The following ENOX1 variants were observed in gnomAD, a reference collection of about 807,000 sequenced individuals.
The protein encoded by ENOX1 is ecto-NOX disulfide-thiol exchanger 1.
ENOX1 carries 42 observed loss-of-function variants against 82.5 expected under a neutral mutation model. The ratio of observed to expected loss-of-function variants is 0.51; its 90% CI spans 0.40 to 0.66. The LOEUF (loss-of-function observed/expected upper bound fraction) is 0.66. Ranked by LOEUF, ENOX1 falls within the 30% of genes least tolerant of loss-of-function variation. The probability of loss-of-function intolerance (pLI) is 0.00; values close to 1 mark genes in which losing one functional copy is unlikely to be tolerated. For missense variants in ENOX1, 608 were observed against 811.6 expected, an observed-to-expected ratio of 0.75 and a Z score of 3.05; for synonymous variants, 271 against 282.2, an observed-to-expected ratio of 0.96 and a Z score of 0.40.
intron 2 of ENOX1, among the ~76,000 whole-genome samples, chr13:43,551,745 T>C (rs949826316): frequency 6.6e-6 from 1 of 152,152 alleles, no homozygotes; most frequent in African/African-American, 2.4e-5. Flanking sequence ...TCCTTACACC[T>C]TTCCTCTTCT....
chr13:43,635,433 C>A (rs1392007519), intron 2 of ENOX1, among the ~76,000 whole-genome samples: 1 of 152,176 alleles, frequency 6.6e-6, no homozygotes, highest in Admixed American at 6.5e-5. Flanking sequence ...AATTACTCAG[C>A]ACCCGGTGCT....
chr13:43,429,827 T>C (rs143502545), intron 3 of ENOX1, among the ~76,000 whole-genome samples: 1 of 152,350 alleles, frequency 6.6e-6, no homozygotes, highest in Non-Finnish European at 1.5e-5. Context: ...CTTGCTAAGC[T>C]AAATTGCAAA....
chr13:43,783,852 C>CA (rs796626271), intron 1 of ENOX1, among the ~76,000 whole-genome samples: 191 of 150,300 alleles, frequency 1.3e-3, no homozygotes, highest in African/African-American at 4.0e-3. Context: ...AAAAAACATC[C>CA]AAAAAAAAAG....
intron 3 of ENOX1, among the ~76,000 whole-genome samples, chr13:43,456,684 A>C (rs2057246674): frequency 6.6e-6 from 1 of 152,134 alleles, no homozygotes; most frequent in Non-Finnish European, 1.5e-5. Context: ...CCAATCCCTG[A>C]GTCTAGAGTA....
chr13:43,326,430 T>G lies in ENOX1; in HGVS notation c.1132A>C (p.Lys378Gln), dbSNP rs778147309. Residue 378 changes from lysine (K) to glutamine (Q), a missense_variant, in exon 10 of 17, where the codon AAG (lysine) becomes CAG (glutamine). By Grantham distance (53) the Lys-to-Gln change is moderately conservative. Transcript: ENST00000690772. Reference protein sequence around the residue: ...AQRKNIDIWRKHSEELRNAQS... With the variant: ...AQRKNIDIWRQHSEELRNAQS... ...ATAAAATCACCAACCTCAGAATGCT[T>G]TCGCCAAATGTCTATGTTCTTGCGC... 1 of 1,614,044 alleles carries G rather than the reference T, an allele frequency of 6.2e-7. No individual in the cohort carries two copies. Among genetic ancestry groups the G allele is most frequent in the Non-Finnish European group, 8.5e-7 (1 of 1,179,896 alleles).
At chr13:43,247,597 C>T (rs937449762) in intron 14 of ENOX1, among the ~76,000 whole-genome samples, 19 of 151,250 alleles carry the variant, frequency 1.3e-4, no homozygotes, top group African/African-American at 4.6e-4. Flanking sequence ...TTTTTGAGAT[C>T]AAGTGTATTT....
intron 3 of ENOX1, among the ~76,000 whole-genome samples, chr13:43,447,045 A>C (rs2056687626): frequency 6.6e-6 from 1 of 152,250 alleles, no homozygotes; most frequent in Admixed American, 6.5e-5. Flanking sequence ...GATTAATACC[A>C]AAGAAAGAAA....
chr13:43,271,700 C>G (rs548469162), intron 12 of ENOX1, among the ~76,000 whole-genome samples: 1 of 151,852 alleles, frequency 6.6e-6, no homozygotes, highest in African/African-American at 2.4e-5. Context: ...CATGTGTGTG[C>G]ATATACACCC....
chr13:43,298,301 A>G (rs779580148), intron 12 of ENOX1, 45 bp downstream of exon 12: 7 of 1,515,258 alleles, frequency 4.6e-6, no homozygotes, highest in South Asian at 1.3e-5. Context: ...TTTAATACAC[A>G]TATCTCTTTC....
At chr13:43,321,096 G>A (rs757466913) in intron 11 of ENOX1, 3 of 456,284 alleles carry the variant, frequency 6.6e-6, no homozygotes, top group Non-Finnish European at 1.3e-5. Flanking sequence ...TGTATGTTAA[G>A]CACCTGAAAG....
chr13:43,718,595 T>C (rs2088316172), intron 1 of ENOX1, among the ~76,000 whole-genome samples: 1 of 135,632 alleles, frequency 7.4e-6, no homozygotes. Flanking sequence ...GAGAATGTTG[T>C]GAACCCAGGA....
chr13:43,446,248 TC>T (rs1331421547), intron 3 of ENOX1, among the ~76,000 whole-genome samples: 1 of 151,928 alleles, frequency 6.6e-6, no homozygotes, highest in Non-Finnish European at 1.5e-5. Flanking sequence ...GGAATCTGCC[TC>T]CCTTTTGGAA....
chr13:43,620,196 A>C (rs2082662096), intron 2 of ENOX1, among the ~76,000 whole-genome samples: 1 of 151,960 alleles, frequency 6.6e-6, no homozygotes, highest in African/African-American at 2.4e-5. Context: ...TTTTCAAAGA[A>C]CCGGCTTTTT....
intron 15 of ENOX1, among the ~76,000 whole-genome samples, chr13:43,233,078 A>C (rs1274702503): frequency 6.6e-6 from 1 of 152,208 alleles, no homozygotes; most frequent in Non-Finnish European, 1.5e-5. Flanking sequence ...TCCAACATGC[A>C]GGCCATATGT....
At chr13:43,250,206 A>C (rs556612517) in intron 14 of ENOX1, among the ~76,000 whole-genome samples, 8 of 152,306 alleles carry the variant, frequency 5.3e-5, no homozygotes, top group Admixed American at 1.3e-4. Flanking sequence ...GTGATACCCC[A>C]GGGCCTTTAG....
At chr13:43,601,908 CT>C (rs1388660745) in intron 2 of ENOX1, among the ~76,000 whole-genome samples, 4 of 151,912 alleles carry the variant, frequency 2.6e-5, no homozygotes, top group Non-Finnish European at 5.9e-5. Flanking sequence ...ATTTAAAGTG[CT>C]TACAGAAAAA....
At chr13:43,486,967 G>C (rs1438540594) in intron 2 of ENOX1, among the ~76,000 whole-genome samples, 1 of 152,236 alleles carries the variant, frequency 6.6e-6, no homozygotes, top group Non-Finnish European at 1.5e-5. Context: ...GAGGTCAGGA[G>C]TTCGAGACCA....
At chr13:43,315,032 T>G (rs1439821474) in intron 11 of ENOX1, among the ~76,000 whole-genome samples, 4 of 152,356 alleles carry the variant, frequency 2.6e-5, no homozygotes, top group African/African-American at 9.6e-5. Flanking sequence ...CAAGGACTCT[T>G]GTCTGAAACC....
At chr13:43,547,932 G>A (rs991729733) in intron 2 of ENOX1, 2 of 152,228 alleles carry the variant, frequency 1.3e-5, no homozygotes, top group African/African-American at 4.8e-5. Context: ...TTACAGGTTT[G>A]ATGTCCCCAC....
Sources: gnomAD v4.1 joint callset for allele counts (sites outside exome capture counted in the v4.1 genomes callset) on GRCh38, gnomAD v4.1.1 for gene constraint, MANE v1.5 for transcripts, NCBI Gene and HGNC (gene_info 2026-07-23, HGNC 2026-07-21) for gene names.